The following SLC16A12 variants were observed in gnomAD, a reference collection of about 807,000 sequenced individuals.
The protein encoded by SLC16A12 is solute carrier family 16 member 12.
In SLC16A12, 17 loss-of-function variants were observed where a neutral mutation model predicts 42.4. That is an observed-to-expected ratio of 0.40 (90% CI 0.27 to 0.60). SLC16A12 has a LOEUF of 0.60. Among genes scored for constraint, SLC16A12 ranks in the 20% least tolerant of loss-of-function variants. SLC16A12 has a pLI of 0.42. For synonymous variants in SLC16A12, 224 were observed against 229.4 expected, an observed-to-expected ratio of 0.98 and a Z score of 0.21; for missense variants, 544 against 623.0, an observed-to-expected ratio of 0.87 and a Z score of 1.35.
chr10:89,433,754 T>C (rs1334909150), intron 7 of SLC16A12, among the ~76,000 whole-genome samples: 3 of 152,252 alleles, frequency 2.0e-5, no homozygotes, highest in Non-Finnish European at 4.4e-5. Context: ...CATGACATGC[T>C]TCAAAGCAGT....
At chr10:89,506,777 C>T (rs1843069039) in intron 2 of SLC16A12, among the ~76,000 whole-genome samples, 1 of 152,012 alleles carries the variant, frequency 6.6e-6, no homozygotes, top group African/African-American at 2.4e-5. Context: ...ACAAACTCCT[C>T]CAAGCTAAAG....
Position 89,443,767 on chromosome 10 carries a change from G to A in SLC16A12, c.293C>T (p.Thr98Ile). Residue 98 changes from threonine to isoleucine, a missense_variant, in exon 4 of 8, where the codon ACC becomes ATC. Physicochemically the swap from Thr to Ile is moderately conservative, Grantham distance 89 (BLOSUM62 -1). Coordinates refer to ENST00000371790, the MANE Select transcript of SLC16A12 (RefSeq NM_213606.4). ...TAAGTAATACTCACCACAGAGCATGGTCACACAATCTACAATGGAATGGAT... is the reference window on the plus strand; with the variant it reads ...TAAGTAATACTCACCACAGAGCATGATCACACAATCTACAATGGAATGGAT... ...AWIHSIVDCV[T>I]MLCAPLGSVV... 1.2e-6 allele frequency: 2 copies of A among 1,612,374 alleles called. No individual in the cohort carries two copies. The highest frequency in any genetic ancestry group is 1.7e-6 in the Non-Finnish European group (2 of 1,178,412).
chr10:89,529,069 G>T (rs1371614478), intron 2 of SLC16A12, among the ~76,000 whole-genome samples: 1 of 152,162 alleles, frequency 6.6e-6, no homozygotes, highest in Non-Finnish European at 1.5e-5. Flanking sequence ...AACTATCACT[G>T]CCTGAAGAAG....
intron 2 of SLC16A12, among the ~76,000 whole-genome samples, chr10:89,551,636 C>T (rs769574471): frequency 4.6e-5 from 7 of 152,154 alleles, no homozygotes; most frequent in Non-Finnish European, 2.9e-5. Flanking sequence ...TCATTTGAAT[C>T]ATGGGGGTGT....
intron 2 of SLC16A12, among the ~76,000 whole-genome samples, chr10:89,511,720 T>TA (rs1843165464): frequency 1.3e-5 from 2 of 152,082 alleles, no homozygotes; most frequent in Admixed American, 1.3e-4. Flanking sequence ...ACCCCGAACT[T>TA]AAAGTATAAT....
intron 3 of SLC16A12, among the ~76,000 whole-genome samples, chr10:89,453,419 CATA>C (rs1842127499): frequency 1.3e-5 from 2 of 152,322 alleles, no homozygotes; most frequent in South Asian, 2.1e-4. Flanking sequence ...ACATGTACCA[CATA>C]ATGACATTTT....
At position 89,443,742 on chromosome 10, in the gene SLC16A12, T is replaced by G; in HGVS notation, c.304+14A>C. 4 of 1,568,506 alleles carry G rather than the reference T, an allele frequency of 2.6e-6. No homozygotes were observed. The highest frequency in any genetic ancestry group is 3.5e-6 in the Non-Finnish European group (4 of 1,138,350). On this transcript the variant is annotated intron_variant, in intron 4 of 7. Transcript: ENST00000371790. Reference sequence around the variant, plus strand: ...AGTGGCCAGTAATTCCCTATCCTAGTAAGTAATACTCACCACAGAGCATGG... The same window carrying G: ...AGTGGCCAGTAATTCCCTATCCTAGGAAGTAATACTCACCACAGAGCATGG...
At chr10:89,538,907 G>T (rs1413456196), upstream of SLC16A12, among the ~76,000 whole-genome samples, 1 of 152,076 alleles carries the variant, frequency 6.6e-6, no homozygotes, top group Non-Finnish European at 1.5e-5. Flanking sequence ...AATCAGTTTG[G>T]CAATAACGTC....
intron 2 of SLC16A12, among the ~76,000 whole-genome samples, chr10:89,533,810 A>T (rs1010192903): frequency 1.3e-5 from 2 of 151,520 alleles, no homozygotes; most frequent in African/African-American, 4.9e-5. Flanking sequence ...TCAACCTCTC[A>T]TCTATTTCAG....
At chr10:89,525,807 A>C (rs1278719370) in intron 2 of SLC16A12, among the ~76,000 whole-genome samples, 1 of 152,224 alleles carries the variant, frequency 6.6e-6, no homozygotes, top group Non-Finnish European at 1.5e-5. Flanking sequence ...TTTGACCTAA[A>C]CGTCCATGGG....
intron 2 of SLC16A12, among the ~76,000 whole-genome samples, chr10:89,496,769 C>T (rs1294567279): frequency 6.6e-6 from 1 of 152,108 alleles, no homozygotes; most frequent in Non-Finnish European, 1.5e-5. Context: ...AACACTTTCA[C>T]ATTTGACTAC....
At chr10:89,482,851 G>C (rs1337817477) in intron 2 of SLC16A12, among the ~76,000 whole-genome samples, 1 of 151,884 alleles carries the variant, frequency 6.6e-6, no homozygotes, top group African/African-American at 2.4e-5. Flanking sequence ...AAATTTAGCA[G>C]AGTGAAATCA....
chr10:89,533,138 G>GT (rs138214487), intron 2 of SLC16A12, among the ~76,000 whole-genome samples: 1 of 149,178 alleles, frequency 6.7e-6, no homozygotes, highest in Non-Finnish European at 1.5e-5. Flanking sequence ...ACCTGAATTT[G>GT]TTTTTTTGTT....
At chr10:89,501,092 A>G (rs192914935) in intron 2 of SLC16A12, among the ~76,000 whole-genome samples, 124 of 152,322 alleles carry the variant, frequency 8.1e-4, no homozygotes, top group Admixed American at 5.1e-3. Context: ...GAATATACCT[A>G]ACCAAGGAGG....
chr10:89,548,391 A>G (rs996166084), intron 2 of SLC16A12, among the ~76,000 whole-genome samples: 3 of 152,206 alleles, frequency 2.0e-5, no homozygotes, highest in African/African-American at 7.2e-5. Flanking sequence ...TCAGGAGCCA[A>G]GGGGAAGAGT....
At chr10:89,459,695 C>T (rs541199376) in intron 3 of SLC16A12, among the ~76,000 whole-genome samples, 99 of 152,232 alleles carry the variant, frequency 6.5e-4, no homozygotes, top group African/African-American at 2.3e-3. Flanking sequence ...AATCCTAGCA[C>T]TTGGAGAGGC....
Position 89,433,117 on chromosome 10 carries a change from G to A in SLC16A12, c.1498C>T (p.Gln500Ter). ...GTAGCCACAGGCTCCCCATGTTTCT[G>A]ATCTAATTCTCTTGCCACAGAATAA... ...VAYSVARELDQKHGEPVATAV... is the reference protein window; with the variant it reads ...VAYSVARELD Residue 500 changes from glutamine (Q) to a stop codon, truncating the protein, a stop_gained, in exon 8 of 8, where the codon CAG (glutamine) becomes TAG (stop). Transcript: ENST00000371790. LOFTEE classifies it high-confidence loss of function. 2 of 1,614,166 alleles carry A rather than the reference G, an allele frequency of 1.2e-6. No individual in the cohort carries two copies. The highest frequency in any genetic ancestry group is 8.5e-7 in the Non-Finnish European group (1 of 1,180,032).
intron 2 of SLC16A12, among the ~76,000 whole-genome samples, chr10:89,481,104 G>A (rs1225456570): frequency 6.6e-6 from 1 of 152,158 alleles, no homozygotes; most frequent in Non-Finnish European, 1.5e-5. Flanking sequence ...GCCCATCTAT[G>A]TTGGGATATT....
intron 2 of SLC16A12, among the ~76,000 whole-genome samples, chr10:89,514,170 A>C (rs1843208708): frequency 6.6e-6 from 1 of 152,224 alleles, no homozygotes; most frequent in African/African-American, 2.4e-5. Context: ...TCACTGGTCT[A>C]CAGACCGTAA....
Sources: allele counts gnomAD v4.1 joint callset (sites outside exome capture counted in the v4.1 genomes callset), GRCh38; gene constraint gnomAD v4.1.1; transcripts MANE v1.5; gene names NCBI Gene and HGNC (gene_info 2026-07-23, HGNC 2026-07-21).